Variants in IL16 observed in about 807,000 individuals in gnomAD.
IL16 encodes pro-interleukin-16.
In IL16, 67 loss-of-function variants were observed where a neutral mutation model predicts 110.1. That is an observed-to-expected ratio of 0.61 (90% CI 0.50 to 0.75). IL16 has a LOEUF of 0.75. Among genes scored for constraint, IL16 ranks in the 30% least tolerant of loss-of-function variants. The pLI is 0.00. For synonymous variants in IL16, 689 were observed against 662.9 expected (o/e 1.04, Z -0.61); for missense variants, 1,545 against 1,655.0 (o/e 0.93, Z 1.15).
chr15:81,257,587 C>T (rs980635177), intron 2 of IL16, among the ~76,000 whole-genome samples: 8 of 152,274 alleles, frequency 5.3e-5, no homozygotes, highest in African/African-American at 1.7e-4. Context: ...TCCAGCAGAG[C>T]CCCTCAATAC....
At chr15:81,271,772 T>C (rs572604592) in intron 5 of IL16, among the ~76,000 whole-genome samples, 2 of 152,314 alleles carry the variant, frequency 1.3e-5, no homozygotes, top group South Asian at 2.1e-4. Context: ...GGACACCATT[T>C]GTCCTGCCCA....
chr15:81,289,249 C>T (rs1899595787), intron 10 of IL16, among the ~76,000 whole-genome samples: 2 of 152,184 alleles, frequency 1.3e-5, no homozygotes, highest in African/African-American at 2.4e-5. Context: ...GATTCTCCCA[C>T]CTCAGCCTCC....
intron 3 of IL16, among the ~76,000 whole-genome samples, chr15:81,265,222 T>C (rs945234045): frequency 6.6e-6 from 1 of 152,146 alleles, no homozygotes. Flanking sequence ...AGATAGGATC[T>C]CCCCTGCCCC....
In IL16 at chr15:81,205,946, G is replaced by A. The variant is rs1896001348; in HGVS notation, c.-102+8794G>A. On this transcript the variant is annotated intron_variant, in intron 1 of 18. Transcript: ENST00000683961. ...ACTTTTTTACAAAATGATAAAAAGA[G>A]CACTCAATGAAGGCATGAAAATCAG... Among the ~76,000 whole-genome samples, 3 of 152,156 alleles carry A rather than the reference G, an allele frequency of 2.0e-5. No individual in the cohort carries two copies. In the South Asian group the frequency reaches 6.2e-4, roughly 31 times the overall value.
chr15:81,204,155 T>C (rs1229105256), intron 1 of IL16, among the ~76,000 whole-genome samples: 1 of 152,228 alleles, frequency 6.6e-6, no homozygotes, highest in African/African-American at 2.4e-5. Flanking sequence ...AAGCTTGTGA[T>C]TTTTATACAT....
chr15:81,293,158 A>G, intron 12 of IL16, 121 bp downstream of exon 12: 1 of 1,104,150 alleles, frequency 9.1e-7, no homozygotes, highest in East Asian at 2.5e-5. Context: ...TCCACCAGAG[A>G]GAAACTGTTG....
chr15:81,185,952 A>G (rs1289956049), intron 1 of IL16, among the ~76,000 whole-genome samples: 1 of 152,236 alleles, frequency 6.6e-6, no homozygotes, highest in Non-Finnish European at 1.5e-5. Context: ...ACATCCATCC[A>G]GTCTGTTTTT....
At chr15:81,249,936 T>C (rs756021385) in intron 2 of IL16, among the ~76,000 whole-genome samples, 43 of 152,218 alleles carry the variant, frequency 2.8e-4, no homozygotes, top group Non-Finnish European at 5.7e-4. Context: ...CACTGTCTAA[T>C]ACACTTTTCA....
intron 2 of IL16, among the ~76,000 whole-genome samples, chr15:81,255,733 C>T (rs1466360282): frequency 3.9e-5 from 6 of 152,092 alleles, no homozygotes; most frequent in Admixed American, 2.0e-4. Flanking sequence ...GAAAGCTTTC[C>T]CTCTAACACG....
At chr15:81,268,264 A>T (rs1898479895) in intron 4 of IL16, among the ~76,000 whole-genome samples, 1 of 152,190 alleles carries the variant, frequency 6.6e-6, no homozygotes. Context: ...TTATCCAGGG[A>T]ATGCTAGTAA....
rs1555420243 is a variant in IL16 at position 81,267,495 on chromosome 15, C to CACACACACAT, written c.564+1703_564+1704insTACACACACA. On this transcript the variant is annotated intron_variant, in intron 4 of 18. Coordinates refer to ENST00000683961, the MANE Select transcript of IL16 (RefSeq NM_172217.5). ...ACATACACAGACACACACACACACA[C>CACACACACAT]ACACACACACAGAGAGAGCGAGAGA... Among the ~76,000 whole-genome samples, 978 of 151,228 alleles carry CACACACACAT rather than the reference C, an allele frequency of 6.5e-3. 7 individuals are homozygous for CACACACACAT. Among genetic ancestry groups the CACACACACAT allele is most frequent in the Middle Eastern group, 0.02 (6 of 294 alleles).
At chr15:81,285,235 G>T (rs1422623483) in intron 9 of IL16, among the ~76,000 whole-genome samples, 1 of 152,168 alleles carries the variant, frequency 6.6e-6, no homozygotes, top group East Asian at 1.9e-4. Flanking sequence ...CATGTAGGAT[G>T]TTAGGTCCGA....
At chr15:81,209,590 G>A (rs115976707) in intron 1 of IL16, among the ~76,000 whole-genome samples, 99 of 152,224 alleles carry the variant, frequency 6.5e-4, no homozygotes, top group African/African-American at 2.3e-3. Context: ...TCTAAGCAAG[G>A]GAGGGTTTCA....
intron 2 of IL16, among the ~76,000 whole-genome samples, chr15:81,255,716 C>T (rs115722892): frequency 0.011 from 1,629 of 152,176 alleles, 31 homozygotes; most frequent in African/African-American, 0.038. Context: ...ACATTGAAAC[C>T]CCCAGAGAAA....
chr15:81,294,631 C>G (rs1445852935), intron 12 of IL16, among the ~76,000 whole-genome samples: 1 of 152,162 alleles, frequency 6.6e-6, no homozygotes, highest in Non-Finnish European at 1.5e-5. Flanking sequence ...AGCACCGTCT[C>G]CTGGAGACAA....
At chr15:81,294,848 A>G (rs1899909023) in intron 12 of IL16, among the ~76,000 whole-genome samples, 1 of 152,132 alleles carries the variant, frequency 6.6e-6, no homozygotes, top group Admixed American at 6.5e-5. Flanking sequence ...AATTTCCTTG[A>G]CCATTCCTGG....
chr15:81,182,806 G>A, exon 1 of IL16: 2 of 1,224,218 alleles, frequency 1.6e-6, no homozygotes, highest in Non-Finnish European at 2.2e-6. Flanking sequence ...CCCTGATCCT[G>A]GTTTGGAGGA....
chr15:81,306,534 G>A lies in IL16; in HGVS notation c.3794G>A (p.Arg1265Lys). ...GGAGACAAGCCTCTCACCATTAACAGGATTTTCAAAGGTGTGGGGTGTGTC... is the reference window on the plus strand; with the variant it reads ...GGAGACAAGCCTCTCACCATTAACAAGATTTTCAAAGGTGTGGGGTGTGTC... ...LHGDKPLTINRIFKGAASEQS... is the reference protein window; with the variant it reads ...LHGDKPLTINKIFKGAASEQS... The change falls in exon 18 of 19, where the codon AGG (arginine) becomes AAG (lysine). Residue 1265 changes from arginine (R) to lysine (K), a missense_variant. This residue lies in a region of IL16 where 356 missense variants were observed against 399.3 expected (regional missense o/e 0.89). Transcript: ENST00000683961. The A allele has an allele frequency of 6.2e-7, 1 of 1,613,144 alleles. No homozygotes were observed. Among genetic ancestry groups the A allele is most frequent in the Non-Finnish European group, 8.5e-7 (1 of 1,180,026 alleles).
At chr15:81,227,729 T>C (rs951033527) in intron 2 of IL16, among the ~76,000 whole-genome samples, 2 of 152,016 alleles carry the variant, frequency 1.3e-5, no homozygotes, top group Non-Finnish European at 2.9e-5. Flanking sequence ...GAGTGGAGAA[T>C]GGAGTGTAGG....
Sources: gnomAD v4.1 joint callset for allele counts (sites outside exome capture counted in the v4.1 genomes callset) on GRCh38, gnomAD v4.1.1 for gene constraint, gnomAD v4.1.1 regional missense constraint, MANE v1.5 for transcripts, NCBI Gene and HGNC (gene_info 2026-07-23, HGNC 2026-07-21) for gene names.